The following ANKS1B variants were observed in gnomAD, a reference collection of about 807,000 sequenced individuals.
ANKS1B encodes the protein ankyrin repeat and sterile alpha motif domain-containing protein 1B.
In ANKS1B, 36 loss-of-function variants were observed where a neutral mutation model predicts 148.3. That is an observed-to-expected ratio of 0.24 (90% CI 0.19 to 0.32). ANKS1B has a LOEUF of 0.32. ANKS1B is among the 10% of genes least tolerant of loss of function. The pLI, the probability that ANKS1B is intolerant of heterozygous loss-of-function variation, is 1.00. For synonymous variants in ANKS1B, 542 were observed against 560.8 expected (o/e 0.97, Z 0.47); for missense variants, 1,157 against 1,542.6 (o/e 0.75, Z 4.19).
chr12:99,387,066 G>C (rs1336207278), intron 12 of ANKS1B, among the ~76,000 whole-genome samples: 1 of 152,188 alleles, frequency 6.6e-6, no homozygotes. Flanking sequence ...GGAGCTCACA[G>C]ACATGTAAAT....
At chr12:99,878,404 G>A (rs933702060) in intron 1 of ANKS1B, among the ~76,000 whole-genome samples, 1 of 152,116 alleles carries the variant, frequency 6.6e-6, no homozygotes, top group African/African-American at 2.4e-5. Context: ...GAGACAAACT[G>A]GAATATGAGA....
At chr12:98,931,844 G>T (rs921318555) in intron 17 of ANKS1B, 21 of 152,026 alleles carry the variant, frequency 1.4e-4, no homozygotes, top group African/African-American at 4.8e-4. Flanking sequence ...TTTTTTAATG[G>T]AAAGCCTAAG....
intron 9 of ANKS1B, among the ~76,000 whole-genome samples, chr12:99,516,893 C>T (rs1348753900): frequency 6.6e-6 from 1 of 152,034 alleles, no homozygotes; most frequent in African/African-American, 2.4e-5. Context: ...TTATGCAGTA[C>T]TATGCTGTTT....
intron 22 of ANKS1B, among the ~76,000 whole-genome samples, chr12:98,786,662 C>T (rs549750752): frequency 2.0e-5 from 3 of 152,174 alleles, no homozygotes; most frequent in Non-Finnish European, 4.4e-5. Flanking sequence ...CAGAGCAAGA[C>T]TTTTCCGAGC....
At chr12:98,740,129 G>A (rs542254332), downstream of ANKS1B, among the ~76,000 whole-genome samples, 49 of 152,272 alleles carry the variant, frequency 3.2e-4, no homozygotes, top group African/African-American at 1.2e-3. Context: ...TTGGGAGTGT[G>A]GTGGTATGTG....
At chr12:99,829,302 G>GT (rs1205596916) in intron 1 of ANKS1B, among the ~76,000 whole-genome samples, 4 of 151,778 alleles carry the variant, frequency 2.6e-5, no homozygotes, top group African/African-American at 9.7e-5. Context: ...CCCGAGTGAG[G>GT]TCAGGAGTTT....
intron 1 of ANKS1B, among the ~76,000 whole-genome samples, chr12:99,982,321 A>C (rs563732085): frequency 1.2e-4 from 16 of 131,756 alleles, no homozygotes; most frequent in Non-Finnish European, 1.9e-4. Flanking sequence ...CTAAAACTTG[A>C]CATCTATTCT....
At chr12:99,447,146 A>G (rs528766640) in intron 10 of ANKS1B, among the ~76,000 whole-genome samples, 2 of 152,254 alleles carry the variant, frequency 1.3e-5, no homozygotes, top group East Asian at 3.9e-4. Flanking sequence ...GGAAAAGAAC[A>G]GAAATCCCAG....
intron 8 of ANKS1B, among the ~76,000 whole-genome samples, chr12:99,665,062 C>G (rs755398189): frequency 1.3e-5 from 2 of 152,136 alleles, no homozygotes; most frequent in South Asian, 4.1e-4. Context: ...GCGGCCATTA[C>G]GAATAAAGTC....
intron 1 of ANKS1B, among the ~76,000 whole-genome samples, chr12:99,851,650 T>C (rs1431009065): frequency 6.6e-6 from 1 of 152,128 alleles, no homozygotes; most frequent in African/African-American, 2.4e-5. Context: ...GCAAGTAATA[T>C]TGGTAATAAC....
chr12:99,295,215 T>C (rs1298987967), intron 12 of ANKS1B, among the ~76,000 whole-genome samples: 1 of 152,232 alleles, frequency 6.6e-6, no homozygotes. Flanking sequence ...TTCCAGTTAC[T>C]CCACATGTTC....
chr12:99,674,432 T>G (rs1385205278), intron 8 of ANKS1B, among the ~76,000 whole-genome samples: 1 of 151,594 alleles, frequency 6.6e-6, no homozygotes, highest in East Asian at 1.9e-4. Flanking sequence ...AAAACCGCTA[T>G]AAAATAAAAG....
chr12:98,882,934 T>C (rs1230284812), intron 17 of ANKS1B, among the ~76,000 whole-genome samples: 1 of 152,182 alleles, frequency 6.6e-6, no homozygotes, highest in Non-Finnish European at 1.5e-5. Flanking sequence ...TTAAATCTAT[T>C]ATTTCAGCTT....
At chr12:99,544,236 T>C (rs933531305) in intron 9 of ANKS1B, among the ~76,000 whole-genome samples, 1 of 152,174 alleles carries the variant, frequency 6.6e-6, no homozygotes, top group East Asian at 1.9e-4. Flanking sequence ...TGAACAAATA[T>C]TGAAATCAAT....
chr12:98,919,803 G>A (rs76419846), intron 17 of ANKS1B, among the ~76,000 whole-genome samples: 11,412 of 152,054 alleles, frequency 0.075, 459 homozygotes, highest in African/African-American at 0.1. Context: ...GAAGTACTTC[G>A]GCTATATTTC....
intron 17 of ANKS1B, among the ~76,000 whole-genome samples, chr12:98,918,192 C>T (rs2099796951): frequency 6.6e-6 from 1 of 152,202 alleles, no homozygotes; most frequent in African/African-American, 2.4e-5. Context: ...GCCCCTCAGG[C>T]CCTTCACGGA....
At chr12:99,570,537 C>T (rs1438606418) in intron 9 of ANKS1B, among the ~76,000 whole-genome samples, 3 of 151,916 alleles carry the variant, frequency 2.0e-5, no homozygotes, top group Non-Finnish European at 2.9e-5. Context: ...GTCCCAGCTA[C>T]TCAGGAGGCT....
chr12:98,976,966 A>T (rs2099897556), intron 17 of ANKS1B, among the ~76,000 whole-genome samples: 1 of 152,222 alleles, frequency 6.6e-6, no homozygotes, highest in Non-Finnish European at 1.5e-5. Context: ...TCCAAAGTCA[A>T]AACAAGGTTA....
intron 9 of ANKS1B, among the ~76,000 whole-genome samples, chr12:99,639,161 T>C (rs1215327796): frequency 6.6e-6 from 1 of 152,172 alleles, no homozygotes; most frequent in African/African-American, 2.4e-5. Context: ...GACTACCTAG[T>C]AGAGATTGTT....
Sources: gnomAD v4.1 joint callset for allele counts (sites outside exome capture counted in the v4.1 genomes callset) on GRCh38, gnomAD v4.1.1 for gene constraint, MANE v1.5 for transcripts, NCBI Gene and HGNC (gene_info 2026-07-23, HGNC 2026-07-21) for gene names.